Variants in ZNF66 observed in about 807,000 individuals in gnomAD.
ZNF66 encodes putative zinc finger protein 66.
ZNF66 carries 32 observed loss-of-function variants against 35.2 expected under a neutral mutation model. That is an observed-to-expected ratio of 0.91 (90% CI 0.69 to 1.22). The LOEUF is 1.22. Among genes scored for constraint, ZNF66 ranks in the 50% most tolerant of loss-of-function variants. The probability of loss-of-function intolerance (pLI) is 0.00; values close to 1 mark genes in which losing one functional copy is unlikely to be tolerated. For missense variants in ZNF66, 666 were observed against 543.1 expected (o/e 1.23, Z -2.25); for synonymous variants, 231 against 181.3 (o/e 1.27, Z -2.20).
At position 20,806,688 on chromosome 19, in the gene ZNF66, A is replaced by G. The variant is rs762097076; in HGVS notation, c.1088A>G (p.His363Arg). ...ACCCTTACTAAACATAAAATAATCC[A>G]TACTGGAGAGAAACCCTACAAATGT... is the stretch of plus-strand genomic sequence containing the variant. ...SSTLTKHKII[H>R]TGEKPYKCEE... The change falls in exon 4 of 4, where the codon CAT becomes CGT. Residue 363 changes from histidine to arginine, a missense_variant. Physicochemically the swap from His to Arg is conservative, Grantham distance 29. Transcript: ENST00000344519. 6.7e-7 allele frequency: 1 copy of G among 1,482,664 alleles called. No homozygotes were observed. The highest frequency in any genetic ancestry group is 1.7e-5 in the Admixed American group (1 of 59,774). 91.8% of individuals were successfully genotyped at this position (1,482,664 alleles called of 1,614,324 possible).
chr19:20,793,009 G>A (rs1344472628), intron 2 of ZNF66, among the ~76,000 whole-genome samples: 1 of 151,776 alleles, frequency 6.6e-6, no homozygotes, highest in Admixed American at 6.6e-5. Flanking sequence ...GAAGGTTGCA[G>A]TGAGTTGAGA....
At chr19:20,783,937 A>G (rs1374383412) in intron 1 of ZNF66, among the ~76,000 whole-genome samples, 3 of 152,196 alleles carry the variant, frequency 2.0e-5, no homozygotes, top group Non-Finnish European at 2.9e-5. Flanking sequence ...GCTGACTGCA[A>G]CTGCTGCCTC....
chr19:20,789,752 C>A (rs747217319), intron 1 of ZNF66, among the ~76,000 whole-genome samples: 7 of 152,024 alleles, frequency 4.6e-5, no homozygotes, highest in African/African-American at 1.4e-4. Context: ...AATTATTAAA[C>A]CCTTAGTACC....
At chr19:20,799,064 T>TTTTTTTTTTTTTTTTTTTG (rs1971423178) in intron 3 of ZNF66, 1 of 133,350 alleles carries the variant, frequency 7.5e-6, no homozygotes, top group African/African-American at 2.8e-5. Flanking sequence ...TTTCTTTCTT[T>TTTTTTTTTTTTTTTTTTTG]CTTTTTTTTT....
At chr19:20,792,908 A>G (rs1450734937) in intron 2 of ZNF66, among the ~76,000 whole-genome samples, 1 of 151,994 alleles carries the variant, frequency 6.6e-6, no homozygotes, top group Non-Finnish European at 1.5e-5. Context: ...CTCTAATAAA[A>G]GTACAAAAAA....
intron 3 of ZNF66, among the ~76,000 whole-genome samples, chr19:20,795,453 C>T (rs777052860): frequency 2.0e-5 from 3 of 150,934 alleles, no homozygotes; most frequent in South Asian, 2.1e-4. Context: ...CCACAACCTC[C>T]GCCTCTTGGG....
chr19:20,794,686 A>C (rs1397624447), intron 3 of ZNF66: 1 of 151,622 alleles, frequency 6.6e-6, no homozygotes, highest in Non-Finnish European at 1.5e-5. Flanking sequence ...ATTTAATGCT[A>C]TATTAAATAA....
At chr19:20,793,603 G>A (rs558022728) in intron 2 of ZNF66, among the ~76,000 whole-genome samples, 180 bp from the exon 3 acceptor site, 1 of 152,192 alleles carries the variant, frequency 6.6e-6, no homozygotes, top group South Asian at 2.1e-4. Context: ...TTACAGGCAT[G>A]AGCCACTGCA....
At chr19:20,777,085 A>C (rs1599543371) in intron 1 of ZNF66, among the ~76,000 whole-genome samples, 1 of 121,602 alleles carries the variant, frequency 8.2e-6, no homozygotes, top group South Asian at 2.7e-4. Flanking sequence ...ACTGCACTCC[A>C]GCCTGGGCGA....
chr19:20,776,394 G>T lies in ZNF66; in HGVS notation c.-54G>T. On this transcript the variant is annotated 5_prime_UTR_variant, in exon 1 of 4. Transcript: ENST00000344519. ...CCCAGCCTCTGTGGCCCTGTGTCCT[G>T]CAGGTATTGGGAGATCCACAGCTAA... is the stretch of plus-strand genomic sequence containing the variant. 13 of 1,546,084 alleles carry T rather than the reference G, an allele frequency of 8.4e-6. No individual in the cohort carries two copies. Among genetic ancestry groups the T allele is most frequent in the Non-Finnish European group, 1.2e-5 (13 of 1,120,228 alleles).
chr19:20,799,999 A>G (rs1971433428), intron 3 of ZNF66, among the ~76,000 whole-genome samples: 1 of 152,164 alleles, frequency 6.6e-6, no homozygotes, highest in African/African-American at 2.4e-5. Flanking sequence ...CACACAGTGT[A>G]TAATTTTAGT....
chr19:20,789,779 C>T (rs1028766371), intron 1 of ZNF66, among the ~76,000 whole-genome samples: 6 of 152,144 alleles, frequency 3.9e-5, no homozygotes, highest in Admixed American at 2.0e-4. Flanking sequence ...CAGGATGTTA[C>T]GAGAATTAAA....
At position 20,792,499 on chromosome 19, in the gene ZNF66, G is replaced by GTA. The variant is rs1370315583; in HGVS notation, c.4-9_4-8dup. 6.6e-7 allele frequency: 1 copy of GTA among 1,504,356 alleles called. No homozygotes were observed. The highest frequency in any genetic ancestry group is 9.1e-7 in the Non-Finnish European group (1 of 1,094,134). 93.2% of individuals were successfully genotyped at this position (1,504,356 alleles called of 1,614,324 possible). On this transcript the variant is annotated splice_polypyrimidine_tract_variant and intron_variant, in intron 1 of 3. Coordinates refer to ENST00000344519, the MANE Select transcript of ZNF66 (RefSeq NM_001355197.2). ...AACCACTTGGTGAAAATGTGTGTGT[G>GTA]TATATTTTTCAGGGGCCATTGCAAT...
intron 3 of ZNF66, chr19:20,794,153 C>T (rs552516419): frequency 1.4e-4 from 74 of 517,542 alleles, no homozygotes; most frequent in African/African-American, 1.3e-3. Context: ...CTCTTCATGA[C>T]ATATAAGAGA....
At chr19:20,778,687 G>A (rs1297886021) in intron 1 of ZNF66, among the ~76,000 whole-genome samples, 4 of 150,220 alleles carry the variant, frequency 2.7e-5, no homozygotes, top group African/African-American at 9.8e-5. Flanking sequence ...GGAGGCTGAG[G>A]AACAAGAATG....
rs1206611988 is a variant in ZNF66 at position 20,806,198 on chromosome 19, C to A, written c.598C>A (p.Pro200Thr). The change falls in exon 4 of 4, where the codon CCC becomes ACC. Residue 200 changes from proline (P) to threonine (T), a missense_variant. Physicochemically the swap from Pro to Thr is conservative, Grantham distance 38. Transcript: ENST00000344519. ...THKKIHTGEK[P>T]YKCIECGKAF... is the part of the protein sequence containing the mutation. ...TAAGAAAATTCATACTGGAGAGAAA[C>A]CCTATAAATGTATAGAATGTGGCAA... The A allele has an allele frequency of 7.4e-7, 1 of 1,345,152 alleles. No homozygotes were observed. The highest frequency in any genetic ancestry group is 1.1e-6 in the Non-Finnish European group (1 of 936,226). The allele number at this position is 1,345,152 out of a possible 1,614,324, so 83.3% of individuals were successfully genotyped here.
At chr19:20,798,962 CT>C (rs1269937897) in intron 3 of ZNF66, 1 of 151,914 alleles carries the variant, frequency 6.6e-6, no homozygotes, top group Admixed American at 6.6e-5. Context: ...TTTGTGAATA[CT>C]GGTACAAAAT....
chr19:20,783,813 T>A (rs1222481709), intron 1 of ZNF66, among the ~76,000 whole-genome samples: 3 of 152,224 alleles, frequency 2.0e-5, no homozygotes, highest in African/African-American at 7.2e-5. Flanking sequence ...ATTAGCATAG[T>A]TATGTTTAGT....
rs1471574244 is a variant in ZNF66 at position 20,809,435 on chromosome 19, G to C, written c.*2113G>C. Among the ~76,000 whole-genome samples, 3 of 152,096 alleles carry C rather than the reference G, an allele frequency of 2.0e-5. No homozygotes were observed. The highest frequency in any genetic ancestry group is 2.9e-5 in the Non-Finnish European group (2 of 68,028). ...ATGTTAAGGGCAGCCAGAGAGAAAG[G>C]TCGGGTTACCCACAAAGGGAAGCCC... On this transcript the variant is annotated 3_prime_UTR_variant, in exon 4 of 4. Transcript: ENST00000344519.
Sources: allele counts gnomAD v4.1 joint callset (sites outside exome capture counted in the v4.1 genomes callset), GRCh38; gene constraint gnomAD v4.1.1; transcripts MANE v1.5; gene names NCBI Gene and HGNC (gene_info 2026-07-23, HGNC 2026-07-21).